Variants in SV2C observed in about 807,000 individuals in gnomAD.
SV2C encodes the protein synaptic vesicle glycoprotein 2C.
Under a neutral mutation model 79.7 loss-of-function variants are expected in SV2C, and 49 were observed. The ratio of observed to expected loss-of-function variants is 0.61; its 90% confidence interval spans 0.49 to 0.78. The LOEUF is 0.78. SV2C is among the 30% of genes least tolerant of loss of function. The pLI, the probability that SV2C is intolerant of heterozygous loss-of-function variation, is 0.00. For missense variants in SV2C, 833 were observed against 912.9 expected, an observed-to-expected ratio of 0.91 and a Z score of 1.13; for synonymous variants, 334 against 333.2, an observed-to-expected ratio of 1.00 and a Z score of -0.03.
chr5:76,235,265 A>G (rs1244701577), intron 4 of SV2C, among the ~76,000 whole-genome samples: 2 of 152,042 alleles, frequency 1.3e-5, no homozygotes, highest in South Asian at 2.1e-4. Context: ...ATAAGTGAAT[A>G]TCATTAGTAA....
At chr5:75,892,743 A>G in the SV2C span, among the ~76,000 whole-genome samples, 2 of 152,050 alleles carry the variant, frequency 1.3e-5, no homozygotes, top group African/African-American at 2.4e-5. Flanking sequence ...CTGCATCCAT[A>G]TTTCTGCAAA....
the SV2C span, among the ~76,000 whole-genome samples, chr5:76,003,278 G>A: frequency 1.6e-4 from 24 of 152,022 alleles, no homozygotes; most frequent in African/African-American, 5.8e-4. Context: ...CCATGAGAAC[G>A]GACTAACACA....
chr5:76,075,720 C>A, the SV2C span: 2 of 358,378 alleles, frequency 5.6e-6, no homozygotes, highest in Non-Finnish European at 1.1e-5. Flanking sequence ...GAAAGAAGGG[C>A]ACAAACTTCA....
chr5:75,847,657 C>G, the SV2C span, among the ~76,000 whole-genome samples: 1 of 152,170 alleles, frequency 6.6e-6, no homozygotes, highest in South Asian at 2.1e-4. Flanking sequence ...AAGTTGACTT[C>G]CTCTTTGATT....
At chr5:76,019,688 T>C in the SV2C span, among the ~76,000 whole-genome samples, 1 of 152,022 alleles carries the variant, frequency 6.6e-6, no homozygotes, top group Non-Finnish European at 1.5e-5. Flanking sequence ...GATTTGTGTC[T>C]TGTACGCATG....
chr5:76,231,138 G>A (rs913981073), intron 4 of SV2C, among the ~76,000 whole-genome samples: 1 of 152,138 alleles, frequency 6.6e-6, no homozygotes, highest in Non-Finnish European at 1.5e-5. Flanking sequence ...CCCCTCGTCA[G>A]TTCAGTTGTT....
At chr5:76,243,252 A>T (rs1745848574) in intron 4 of SV2C, among the ~76,000 whole-genome samples, 1 of 152,168 alleles carries the variant, frequency 6.6e-6, no homozygotes, top group Non-Finnish European at 1.5e-5. Flanking sequence ...TGTTTTCTAA[A>T]AACAGAGTTA....
chr5:75,996,576 G>A, the SV2C span, among the ~76,000 whole-genome samples: 1 of 152,134 alleles, frequency 6.6e-6, no homozygotes, highest in African/African-American at 2.4e-5. Flanking sequence ...ACCTTGGGCA[G>A]TATGGCCATT....
At chr5:75,970,275 A>G in the SV2C span, among the ~76,000 whole-genome samples, 1 of 152,114 alleles carries the variant, frequency 6.6e-6, no homozygotes, top group Non-Finnish European at 1.5e-5. Flanking sequence ...TAGAGAAGCA[A>G]GAGCAAACAC....
intron 3 of SV2C, among the ~76,000 whole-genome samples, chr5:76,199,293 G>A (rs905222): frequency 0.014 from 2,082 of 152,234 alleles, 27 homozygotes; most frequent in Non-Finnish European, 0.015. Flanking sequence ...GAAAAACTAC[G>A]TGAAATAACA....
chr5:75,885,207 G>T, the SV2C span, among the ~76,000 whole-genome samples: 7 of 152,092 alleles, frequency 4.6e-5, no homozygotes, highest in Non-Finnish European at 1.0e-4. Context: ...AGAGTCCAGG[G>T]ATGTCTAACA....
the SV2C span, among the ~76,000 whole-genome samples, chr5:75,879,552 C>T: frequency 6.6e-6 from 1 of 152,200 alleles, no homozygotes; most frequent in Admixed American, 6.5e-5. Flanking sequence ...ATTTAGGGCA[C>T]ACTGGTGCAA....
intron 1 of SV2C, among the ~76,000 whole-genome samples, chr5:76,094,444 T>C (rs1747479847): frequency 6.6e-6 from 1 of 152,220 alleles, no homozygotes; most frequent in South Asian, 2.1e-4. Flanking sequence ...GTTTTCTTTT[T>C]TTTAACACCG....
At chr5:76,009,986 ATTTTGT>A in the SV2C span, among the ~76,000 whole-genome samples, 22 of 100,060 alleles carry the variant, frequency 2.2e-4, no homozygotes, top group African/African-American at 8.5e-4. Flanking sequence ...TTACTTATCT[ATTTTGT>A]TTTTTTTTTT....
the SV2C span, among the ~76,000 whole-genome samples, chr5:76,066,111 G>A: frequency 2.0e-5 from 3 of 151,986 alleles, no homozygotes; most frequent in South Asian, 4.1e-4. Flanking sequence ...TATACCCAAA[G>A]GATTATAAAT....
At chr5:76,297,526 T>C (rs1212190249) in intron 9 of SV2C, among the ~76,000 whole-genome samples, 1 of 152,176 alleles carries the variant, frequency 6.6e-6, no homozygotes, top group African/African-American at 2.4e-5. Context: ...CATTCCCTTT[T>C]CCAAATTCAG....
At chr5:75,945,862 G>T in the SV2C span, among the ~76,000 whole-genome samples, 217 of 152,180 alleles carry the variant, frequency 1.4e-3, no homozygotes, top group African/African-American at 4.5e-3. Context: ...GGGGAAATTA[G>T]AGTGTATTTT....
In SV2C at chr5:76,353,291, T is replaced by C. The variant is rs909605028; in HGVS notation, c.*131T>C. 1.0e-5 allele frequency: 3 copies of C among 286,636 alleles called. No individual in the cohort carries two copies. The East Asian group carries it at 3.3e-4, about 32-fold the overall frequency. The allele number at this position is 286,636 out of a possible 1,614,324, so 17.8% of individuals were successfully genotyped here. The stretch of plus-strand genomic sequence containing the variant: ...AAAATTACTTGAAATTTTCCAAATA[T>C]ATTATACAAGGTCTTGCTAAGAACT... On this transcript the variant is annotated 3_prime_UTR_variant, in exon 13 of 13. Coordinates refer to the SV2C transcript ENST00000322285.
the SV2C span, among the ~76,000 whole-genome samples, chr5:75,918,965 A>G: frequency 6.6e-6 from 1 of 152,310 alleles, no homozygotes; most frequent in South Asian, 2.1e-4. Context: ...ATGAGCTTTT[A>G]CTCCCTGCCT....
Sources: allele counts gnomAD v4.1 joint callset (sites outside exome capture counted in the v4.1 genomes callset), GRCh38; gene constraint gnomAD v4.1.1; transcripts MANE v1.5; gene names NCBI Gene and HGNC (gene_info 2026-07-23, HGNC 2026-07-21).